BRIP1: variants seen among roughly 807,000 people sequenced by gnomAD.
BRIP1 encodes BRCA1 interacting DNA helicase 1.
BRIP1 carries 88 observed loss-of-function variants against 119.7 expected under a neutral mutation model. The observed-to-expected ratio is 0.74, with a 90% CI of 0.62 to 0.88. The LOEUF is 0.88. Among genes scored for constraint, BRIP1 ranks in the 40% least tolerant of loss-of-function variants. The pLI is 0.00. For missense variants in BRIP1, 1,259 were observed against 1,455.4 expected (o/e 0.87, Z 2.20); for synonymous variants, 443 against 496.5 (o/e 0.89, Z 1.43).
intron 6 of BRIP1, among the ~76,000 whole-genome samples, chr17:61,818,530 T>C (rs1022233644): frequency 6.6e-6 from 1 of 152,164 alleles, no homozygotes; most frequent in Non-Finnish European, 1.5e-5. Flanking sequence ...GGTAAGGTCA[T>C]ATGAAAGAGT....
rs1363569031 is a variant in BRIP1, at chr17:61,767,808, G to C, written c.2097+8593C>G. 2.0e-5 allele frequency among the ~76,000 whole-genome samples: 3 copies of C among 152,122 alleles called. No homozygotes were observed. The highest frequency in any genetic ancestry group is 4.4e-5 in the Non-Finnish European group (3 of 68,028). The stretch of plus-strand genomic sequence containing the variant: ...TCACACATGCCAAGCTAAACTCTGT[G>C]ATTATGAAAATATTTTCTGTGCCTT... On this transcript the variant is annotated intron_variant, in intron 14 of 19. Coordinates refer to ENST00000259008, the MANE Select transcript of BRIP1 (RefSeq NM_032043.3). The surrounding 1 kb of genome is among the most constrained non-coding windows in gnomAD (Gnocchi z 5.7).
chr17:61,787,132 C>A (rs1418267249), intron 10 of BRIP1, among the ~76,000 whole-genome samples: 11 of 97,376 alleles, frequency 1.1e-4, no homozygotes, highest in African/African-American at 4.7e-4. Flanking sequence ...ATATTATATA[C>A]TATATAAAAT....
In BRIP1 at chr17:61,754,852, T is replaced by G. The variant is rs2077179126; in HGVS notation, c.2098-10261A>C. On this transcript the variant is annotated intron_variant, in intron 14 of 19. Transcript: ENST00000259008. This position sits in a 1 kb window ranked among gnomAD's most constrained non-coding sequence, Gnocchi z 4.1. The stretch of plus-strand genomic sequence containing the variant: ...GTGTCTCTTCTTATAAGAACACTAA[T>G]CCTATCAGATAAGGAAGGCCCTTAC... Among the ~76,000 whole-genome samples, 1 of 152,142 alleles carries G rather than the reference T, an allele frequency of 6.6e-6. No individual in the cohort carries two copies. The highest frequency in any genetic ancestry group is 1.5e-5 in the Non-Finnish European group (1 of 68,020).
At position 61,780,346 on chromosome 17, in the gene BRIP1, A is replaced by T. The variant is rs1064794095; in HGVS notation, c.1850T>A (p.Leu617Ter). ...TGACGAAAAGGATTTCATTGGTGAT[A>T]ATGTACCAGATGTCAAAACAATGGT... Reference protein sequence around the residue: ...VQTIVLTSGTLSPMKSFSSEL... With the variant: ...VQTIVLTSGT The change falls in exon 13 of 20, where the codon TTA becomes TAA. Residue 617 changes from leucine (L) to a stop codon, truncating the protein, a stop_gained. Coordinates refer to ENST00000259008, the MANE Select transcript of BRIP1 (RefSeq NM_032043.3). LOFTEE classifies it high-confidence loss of function. The surrounding 1 kb of genome is among the most constrained non-coding windows in gnomAD (Gnocchi z 5.4). 6.2e-7 allele frequency: 1 copy of T among 1,610,748 alleles called. No homozygotes were observed. Among genetic ancestry groups the T allele is most frequent in the Non-Finnish European group, 8.5e-7 (1 of 1,176,922 alleles).
At position 61,780,253 on chromosome 17, in the gene BRIP1, CAACT is replaced by C. The variant is rs766199221; in HGVS notation, c.1935+4_1935+7del. The C allele has an allele frequency of 2.5e-6, 4 of 1,601,118 alleles. No individual in the cohort carries two copies. Among genetic ancestry groups the C allele is most frequent in the Middle Eastern group, 1.8e-4 (1 of 5,488 alleles). On this transcript the variant is annotated splice_donor_5th_base_variant and intron_variant, in intron 13 of 19. Coordinates refer to ENST00000259008, the MANE Select transcript of BRIP1 (RefSeq NM_032043.3). This position sits in a 1 kb window ranked among gnomAD's most constrained non-coding sequence, Gnocchi z 5.4. ...GAAGGCCTTCCAAAAAAAAAAACAA[CAACT>C]AACCTGTGAATTTTTAATGATATGA...
rs1012179106 is a variant in BRIP1, at chr17:61,687,566, A to G, written c.2576-1401T>C. On this transcript the variant is annotated intron_variant, in intron 18 of 19. Transcript: ENST00000259008. The surrounding 1 kb of genome is among the most constrained non-coding windows in gnomAD (Gnocchi z 5.1). ...TTGAAAAGGTAGAGTCTACACCCACACATGGCTAATCTAAAACAAAATTTA... is the reference window on the plus strand; with the variant it reads ...TTGAAAAGGTAGAGTCTACACCCACGCATGGCTAATCTAAAACAAAATTTA... 3.3e-5 allele frequency among the ~76,000 whole-genome samples: 5 copies of G among 152,220 alleles called. No homozygotes were observed. Among genetic ancestry groups the G allele is most frequent in the African/African-American group, 1.2e-4 (5 of 41,466 alleles).
In BRIP1 at chr17:61,726,394, T is replaced by G. The variant is rs2076766489; in HGVS notation, c.2380-10331A>C. ...AACCCAGTGTAGGTTTCAGTGGACTTTAAATGCTGTCGTAATATATTGCTG... is the reference window on the plus strand; with the variant it reads ...AACCCAGTGTAGGTTTCAGTGGACTGTAAATGCTGTCGTAATATATTGCTG... On this transcript the variant is annotated intron_variant, in intron 16 of 19. Coordinates refer to ENST00000259008, the MANE Select transcript of BRIP1 (RefSeq NM_032043.3). This position sits in a 1 kb window ranked among gnomAD's most constrained non-coding sequence, Gnocchi z 6.2. 6.6e-6 allele frequency among the ~76,000 whole-genome samples: 1 copy of G among 152,166 alleles called. No homozygotes were observed. The highest frequency in any genetic ancestry group is 1.5e-5 in the Non-Finnish European group (1 of 68,026).
intron 16 of BRIP1, among the ~76,000 whole-genome samples, chr17:61,733,360 T>A (rs999568614): frequency 4.2e-4 from 64 of 151,862 alleles, no homozygotes; most frequent in Admixed American, 1.7e-3. Context: ...TCAAAAAAAA[T>A]TTTTTTTTAA....
rs1316386605 is a variant in BRIP1 at position 61,689,494 on chromosome 17, G to A, written c.2576-3329C>T. 2.6e-5 allele frequency among the ~76,000 whole-genome samples: 4 copies of A among 152,072 alleles called. No homozygotes were observed. Among genetic ancestry groups the A allele is most frequent in the African/African-American group, 4.8e-5 (2 of 41,402 alleles). ...AGTCCTAGAAAGAGAAAGAGAGAAA[G>A]GAGCAGAAAGCTTATTTATAGAAAT... is the stretch of plus-strand genomic sequence containing the variant. On this transcript the variant is annotated intron_variant, in intron 18 of 19. Transcript: ENST00000259008. The surrounding 1 kb of genome is among the most constrained non-coding windows in gnomAD (Gnocchi z 4.5).
Position 61,683,076 on chromosome 17 carries a change from A to G in BRIP1, c.*220T>C. 4.0e-6 allele frequency: 2 copies of G among 499,892 alleles called. No individual in the cohort carries two copies. The highest frequency in any genetic ancestry group is 3.5e-6 in the Non-Finnish European group (1 of 286,864). 31.0% of individuals were successfully genotyped at this position (499,892 alleles called of 1,614,324 possible). The stretch of plus-strand genomic sequence containing the variant: ...GAACCTGGAGGTGAAGGTTGCAGTG[A>G]GCCCAGAGCACACCACTGCATTCCA... On this transcript the variant is annotated 3_prime_UTR_variant, in exon 20 of 20. Coordinates refer to ENST00000259008, the MANE Select transcript of BRIP1 (RefSeq NM_032043.3). This position sits in a 1 kb window ranked among gnomAD's most constrained non-coding sequence, Gnocchi z 4.7.
At position 61,815,403 on chromosome 17, in the gene BRIP1, G is replaced by A. The variant is rs2078222011; in HGVS notation, c.628-6646C>T. 6.6e-6 allele frequency among the ~76,000 whole-genome samples: 1 copy of A among 151,928 alleles called. No homozygotes were observed. The highest frequency in any genetic ancestry group is 1.9e-4 in the East Asian group (1 of 5,180). On this transcript the variant is annotated intron_variant, in intron 6 of 19. Coordinates refer to ENST00000259008, the MANE Select transcript of BRIP1 (RefSeq NM_032043.3). This position sits in a 1 kb window ranked among gnomAD's most constrained non-coding sequence, Gnocchi z 4.1. ...GGGCTTTATTCCAGAATTTATATCT[G>A]GTTTTTTAACGAAAATCAAATGGAA... is the stretch of plus-strand genomic sequence containing the variant.
In BRIP1 at chr17:61,704,929, G is replaced by C. The variant is rs2378883; in HGVS notation, c.2492+11022C>G. On this transcript the variant is annotated intron_variant, in intron 17 of 19. Coordinates refer to ENST00000259008, the MANE Select transcript of BRIP1 (RefSeq NM_032043.3). The surrounding 1 kb of genome is among the most constrained non-coding windows in gnomAD (Gnocchi z 5.7). ...CTTTTCAAAGAGTCTATTTTTTTCT[G>C]TTTTTCAACTTTTATTTTATTTTAG... Among the ~76,000 whole-genome samples, 91,830 of 151,576 alleles carry C rather than the reference G, an allele frequency of 0.61. 28,378 individuals carry two copies. Among genetic ancestry groups the C allele is most frequent in the Admixed American group, 0.73 (11,192 of 15,228 alleles).
In BRIP1 at chr17:61,730,498, C is replaced by T. The variant is rs193161726; in HGVS notation, c.2379+12515G>A. ...GTAAGTGTCAATCAACCTTACAAGT[C>T]CTCAGGGTGATAATTTCACTTTTAA... On this transcript the variant is annotated intron_variant, in intron 16 of 19. Transcript: ENST00000259008. The surrounding 1 kb of genome is among the most constrained non-coding windows in gnomAD (Gnocchi z 4.3). Among the ~76,000 whole-genome samples, 3 of 152,246 alleles carry T rather than the reference C, an allele frequency of 2.0e-5. No individual in the cohort carries two copies. In the East Asian group the frequency reaches 5.8e-4, roughly 29 times the overall value.
In BRIP1 at chr17:61,843,860, G is replaced by GTA. The variant is rs577706535; in HGVS notation, c.627+3239_627+3240dup. 2.7e-3 allele frequency among the ~76,000 whole-genome samples: 410 copies of GTA among 151,788 alleles called. No individual in the cohort carries two copies. Among genetic ancestry groups the GTA allele is most frequent in the Non-Finnish European group, 4.6e-3 (311 of 67,906 alleles). On this transcript the variant is annotated intron_variant, in intron 6 of 19. Coordinates refer to ENST00000259008, the MANE Select transcript of BRIP1 (RefSeq NM_032043.3). This position sits in a 1 kb window ranked among gnomAD's most constrained non-coding sequence, Gnocchi z 5.7. ...TTGGCTGTAGTAATAATTTCACTAT[G>GTA]TATATATATATTAAAACATCATGTT... is the stretch of plus-strand genomic sequence containing the variant.
intron 17 of BRIP1, among the ~76,000 whole-genome samples, chr17:61,696,997 A>AAG (rs2144221512): frequency 6.7e-6 from 1 of 149,246 alleles, no homozygotes; most frequent in Non-Finnish European, 1.5e-5. Flanking sequence ...AAAAAAAAAA[A>AAG]AAAAAAGGGG....
At position 61,814,386 on chromosome 17, in the gene BRIP1, A is replaced by T. The variant is rs544466123; in HGVS notation, c.628-5629T>A. 6.6e-6 allele frequency among the ~76,000 whole-genome samples: 1 copy of T among 152,198 alleles called. No individual in the cohort carries two copies. The highest frequency in any genetic ancestry group is 1.9e-4 in the East Asian group (1 of 5,188). ...AAGTGAGGATCAGTATCTACAACAT[A>T]TAAAGAATTCCAATAAATCTATTTT... On this transcript the variant is annotated intron_variant, in intron 6 of 19. Transcript: ENST00000259008. The surrounding 1 kb of genome is among the most constrained non-coding windows in gnomAD (Gnocchi z 4.9).
intron 18 of BRIP1, among the ~76,000 whole-genome samples, chr17:61,688,754 T>TAAA (rs200908748): frequency 9.1e-5 from 11 of 120,942 alleles, no homozygotes; most frequent in Non-Finnish European, 8.9e-5. Context: ...AACCAACCCT[T>TAAA]AAAAAAAAAA....
rs541840942 is a variant in BRIP1, at chr17:61,834,381, G to A, written c.627+12720C>T. Among the ~76,000 whole-genome samples the A allele has an allele frequency of 1.5e-3, 231 of 152,028 alleles. No individual in the cohort carries two copies. The highest frequency in any genetic ancestry group is 5.4e-3 in the African/African-American group (222 of 41,444). The stretch of plus-strand genomic sequence containing the variant: ...ATTGCAGGAGTGAGCCACCACGCTC[G>A]GCCCAATAATTACGATTTTTTTGAG... On this transcript the variant is annotated intron_variant, in intron 6 of 19. Coordinates refer to ENST00000259008, the MANE Select transcript of BRIP1 (RefSeq NM_032043.3). This position sits in a 1 kb window ranked among gnomAD's most constrained non-coding sequence, Gnocchi z 4.4.
rs2077267741 is a variant in BRIP1, at chr17:61,760,880, A to G, written c.2097+15521T>C. Among the ~76,000 whole-genome samples the G allele has an allele frequency of 6.6e-6, 1 of 152,072 alleles. No homozygotes were observed. The highest frequency in any genetic ancestry group is 1.5e-5 in the Non-Finnish European group (1 of 67,944). On this transcript the variant is annotated intron_variant, in intron 14 of 19. Coordinates refer to ENST00000259008, the MANE Select transcript of BRIP1 (RefSeq NM_032043.3). The surrounding 1 kb of genome is among the most constrained non-coding windows in gnomAD (Gnocchi z 4.6). ...GCTTTCAAAGAAGTTGAAAAGGAGG[A>G]TATACTTCTAAATTCTTTTTACATG...
Sources: gnomAD v4.1 joint callset for allele counts (sites outside exome capture counted in the v4.1 genomes callset) on GRCh38, gnomAD v4.1.1 for gene constraint, Gnocchi (gnomAD v3.1) non-coding constraint, MANE v1.5 for transcripts, NCBI Gene and HGNC (gene_info 2026-07-23, HGNC 2026-07-21) for gene names.